The following ATP6V0D2 variants were observed in gnomAD, a reference collection of about 807,000 sequenced individuals.
ATP6V0D2 encodes the protein ATPase H+ transporting V0 subunit d2.
A neutral mutation model predicts 40.0 loss-of-function variants in ATP6V0D2; 40 were observed. That is an observed-to-expected ratio of 1.00 (90% CI 0.78 to 1.30). ATP6V0D2 has a LOEUF of 1.30. Ranked by LOEUF, ATP6V0D2 falls within the 50% of genes most tolerant of loss-of-function variation. The pLI, the probability that ATP6V0D2 is intolerant of heterozygous loss-of-function variation, is 0.00. For synonymous variants in ATP6V0D2, 179 were observed against 156.3 expected (o/e 1.15, Z -1.08); for missense variants, 470 against 423.1 (o/e 1.11, Z -0.97).
At chr8:86,111,156 AC>A (rs1818524090) in intron 1 of ATP6V0D2, among the ~76,000 whole-genome samples, 1 of 148,848 alleles carries the variant, frequency 6.7e-6, no homozygotes, top group Non-Finnish European at 1.5e-5. Context: ...CTTGTCCCCC[AC>A]TAAGTCGTTT....
At chr8:86,120,596 T>C (rs1379368802) in intron 2 of ATP6V0D2, among the ~76,000 whole-genome samples, 2 of 152,126 alleles carry the variant, frequency 1.3e-5, no homozygotes, top group Non-Finnish European at 2.9e-5. Context: ...CAAGGCTGCA[T>C]TCTTCCATTA....
chr8:86,151,437 T>C (rs1452669817), intron 6 of ATP6V0D2, 29 bp from the exon 7 acceptor site: 1 of 1,434,340 alleles, frequency 7.0e-7, no homozygotes, highest in Non-Finnish European at 9.6e-7. Context: ...AATGAAAATG[T>C]CTTTAAAATT....
intron 1 of ATP6V0D2, among the ~76,000 whole-genome samples, chr8:86,101,928 A>G (rs1214402052): frequency 1.3e-5 from 2 of 152,160 alleles, no homozygotes; most frequent in Admixed American, 6.5e-5. Flanking sequence ...TCCCAGAAAT[A>G]TCAAGCATGA....
In ATP6V0D2 at chr8:86,152,851, C is replaced by T. The variant is rs970752253; in HGVS notation, c.927C>T (p.Phe309=). 4 of 1,608,944 alleles carry T rather than the reference C, an allele frequency of 2.5e-6. No individual in the cohort carries two copies. The highest frequency in any genetic ancestry group is 1.3e-5 in the African/African-American group (1 of 74,774). Residue 309 remains phenylalanine, a synonymous_variant, in exon 8 of 8, where the codon TTC becomes TTT. Coordinates refer to ENST00000285393, the MANE Select transcript of ATP6V0D2 (RefSeq NM_152565.1). ...ATGTGCTGGCATTCAACAGACAGTT[C>T]CACTACGGTGTGTTTTATGCATATG... ...QMNVLAFNRQ[F]HYGVFYAYVK...
intron 2 of ATP6V0D2, among the ~76,000 whole-genome samples, chr8:86,119,481 G>C (rs146176906): frequency 1.3e-5 from 2 of 151,852 alleles, no homozygotes; most frequent in East Asian, 3.9e-4. Flanking sequence ...TACCCACCTC[G>C]GTCTCCCAAA....
chr8:86,109,357 T>C (rs902199117), intron 1 of ATP6V0D2, among the ~76,000 whole-genome samples: 2 of 152,174 alleles, frequency 1.3e-5, no homozygotes, highest in African/African-American at 4.8e-5. Context: ...ACTGTTGTTA[T>C]TATTGACAGT....
chr8:86,139,431 A>G, intron 2 of ATP6V0D2, 26 bp from the exon 3 acceptor site: 1 of 1,579,912 alleles, frequency 6.3e-7, no homozygotes, highest in Non-Finnish European at 8.6e-7. Context: ...GCTGTCCTCT[A>G]ATGATTGAGT....
At chr8:86,150,391 T>C in intron 6 of ATP6V0D2, 103 bp downstream of exon 6, 2 of 1,163,074 alleles carry the variant, frequency 1.7e-6, no homozygotes, top group Non-Finnish European at 2.4e-6. Flanking sequence ...AAAGAAGTAA[T>C]AATATTTGTA....
At chr8:86,117,600 A>G (rs973513347) in intron 2 of ATP6V0D2, among the ~76,000 whole-genome samples, 9 of 152,178 alleles carry the variant, frequency 5.9e-5, no homozygotes, top group African/African-American at 2.2e-4. Context: ...CTTCCATGTT[A>G]CTTACAGGCA....
intron 5 of ATP6V0D2, among the ~76,000 whole-genome samples, chr8:86,146,558 T>A (rs1819071664): frequency 6.6e-6 from 1 of 152,096 alleles, no homozygotes; most frequent in Admixed American, 6.6e-5. Flanking sequence ...TAACCGGGCA[T>A]GGTGGAACAC....
At chr8:86,126,440 A>G (rs188016938) in intron 2 of ATP6V0D2, among the ~76,000 whole-genome samples, 1 of 151,304 alleles carries the variant, frequency 6.6e-6, no homozygotes, top group Non-Finnish European at 1.5e-5. Context: ...CCCTATAGTT[A>G]TTTATTATCT....
intron 3 of ATP6V0D2, among the ~76,000 whole-genome samples, chr8:86,141,188 A>G (rs1315572658): frequency 5.3e-5 from 8 of 152,208 alleles, no homozygotes; most frequent in Admixed American, 5.2e-4. Flanking sequence ...TGGCTCAGTT[A>G]CTAACAGGCC....
At chr8:86,138,969 T>A (rs1180731946) in intron 2 of ATP6V0D2, among the ~76,000 whole-genome samples, 1 of 152,234 alleles carries the variant, frequency 6.6e-6, no homozygotes, top group Non-Finnish European at 1.5e-5. Context: ...GGCTCATGCC[T>A]ATAATTCCAG....
intron 1 of ATP6V0D2, among the ~76,000 whole-genome samples, chr8:86,099,580 G>A (rs1016105529): frequency 1.4e-4 from 21 of 152,198 alleles, no homozygotes; most frequent in Non-Finnish European, 2.9e-4. Context: ...CACAACCTCC[G>A]CCTCCCGGGT....
At position 86,098,925 on chromosome 8, in the gene ATP6V0D2, C is replaced by T. The variant is rs74667635; in HGVS notation, c.-54C>T. 11,170 of 1,571,270 alleles carry T rather than the reference C, an allele frequency of 7.1e-3. 613 individuals carry two copies. In the East Asian group the frequency reaches 0.13, roughly 18 times the overall value. On this transcript the variant is annotated 5_prime_UTR_variant, in exon 1 of 8. Coordinates refer to ENST00000285393, the MANE Select transcript of ATP6V0D2 (RefSeq NM_152565.1). ...CCAGGCTAGTGCAAATCTTCAGGGGCCGTCCAGGACTACAGAGCTGTTTCA... is the reference window on the plus strand; with the variant it reads ...CCAGGCTAGTGCAAATCTTCAGGGGTCGTCCAGGACTACAGAGCTGTTTCA...
chr8:86,141,639 C>A, intron 4 of ATP6V0D2, 110 bp downstream of exon 4: 1 of 736,174 alleles, frequency 1.4e-6, no homozygotes, highest in Non-Finnish European at 2.1e-6. Context: ...AATTATGAAA[C>A]TGTGCATATT....
chr8:86,127,090 T>C (rs1238364399), intron 2 of ATP6V0D2, among the ~76,000 whole-genome samples: 1 of 152,194 alleles, frequency 6.6e-6, no homozygotes, highest in Non-Finnish European at 1.5e-5. Context: ...TTTCACTTCC[T>C]CTATTTAAAA....
chr8:86,102,214 T>G (rs535612245), intron 1 of ATP6V0D2, among the ~76,000 whole-genome samples: 1 of 152,200 alleles, frequency 6.6e-6, no homozygotes, highest in Non-Finnish European at 1.5e-5. Context: ...CTCTACCTGA[T>G]TATTTTATAG....
Position 86,144,919 on chromosome 8 carries a change from G to A in ATP6V0D2, c.639+1965G>A, listed in dbSNP as rs563025827. 9.2e-5 allele frequency among the ~76,000 whole-genome samples: 14 copies of A among 151,640 alleles called. No homozygotes were observed. The South Asian group carries it at 2.9e-3, about 32-fold the overall frequency. ...ACCTATAATCCCAGCACTTTGGGAA[G>A]CCAAGCTGGGTGAGCACCTGAGGTT... On this transcript the variant is annotated intron_variant, in intron 5 of 7. Coordinates refer to ENST00000285393, the MANE Select transcript of ATP6V0D2 (RefSeq NM_152565.1).
Sources: gnomAD v4.1 joint callset for allele counts (sites outside exome capture counted in the v4.1 genomes callset) on GRCh38, gnomAD v4.1.1 for gene constraint, MANE v1.5 for transcripts, NCBI Gene and HGNC (gene_info 2026-07-23, HGNC 2026-07-21) for gene names.